The following POLRMT variants were observed in gnomAD, a reference collection of about 807,000 sequenced individuals.
The protein encoded by POLRMT is RNA polymerase mitochondrial.
Under a neutral mutation model 132.2 loss-of-function variants are expected in POLRMT, and 114 were observed. The observed-to-expected ratio is 0.86, with a 90% confidence interval of 0.74 to 1.01. The LOEUF is 1.01. Ranked by LOEUF, POLRMT falls within the 50% of genes least tolerant of loss-of-function variation. The pLI is 0.00. For synonymous variants in POLRMT, 1,020 were observed against 773.4 expected, an observed-to-expected ratio of 1.32 and a Z score of -5.29; for missense variants, 2,003 against 1,729.1, an observed-to-expected ratio of 1.16 and a Z score of -2.81.
rs762441593 is a variant in POLRMT, at chr19:618,755, T to G, written c.3273A>C (p.Ile1091=). Residue 1091 remains isoleucine (I), a synonymous_variant, in exon 16 of 21, where the codon ATA becomes ATC. Coordinates refer to ENST00000588649, the MANE Select transcript of POLRMT (RefSeq NM_005035.4). ...AGGTGATGCTCTGAATTCCACCTCC[T>G]ATTTGCTAAAAAGGGGAAGGGGCCG... is the stretch of plus-strand genomic sequence containing the variant. ...PYRLDSKVKQ[I]GGGIQSITYT... is the part of the protein sequence containing the mutation. The G allele has an allele frequency of 1.9e-6, 3 of 1,601,444 alleles. No homozygotes were observed. Among genetic ancestry groups the G allele is most frequent in the Non-Finnish European group, 8.5e-7 (1 of 1,174,846 alleles).
intron 6 of POLRMT, 92 bp from the exon 7 acceptor site, chr19:623,077 C>A: frequency 5.6e-6 from 8 of 1,426,764 alleles, no homozygotes; most frequent in Non-Finnish European, 7.5e-6. Context: ...CTGCAGAGAC[C>A]TCATGGCCCT....
chr19:618,623 G>A (rs1229049034), intron 16 of POLRMT, 37 bp from the exon 17 acceptor site: 32 of 1,599,164 alleles, frequency 2.0e-5, no homozygotes, highest in Non-Finnish European at 2.7e-5. Context: ...GGCGGCCCAG[G>A]GACACCCCTA....
At chr19:630,212 C>A (rs1047601808) in intron 2 of POLRMT, 44 bp from the exon 3 acceptor site, 17 of 1,528,676 alleles carry the variant, frequency 1.1e-5, no homozygotes, top group Non-Finnish European at 1.4e-5. Flanking sequence ...ACCCCCTCCC[C>A]ATTCGAGCAC....
chr19:625,079 G>A (rs1600581003), intron 4 of POLRMT, 45 bp downstream of exon 4: 3 of 1,590,058 alleles, frequency 1.9e-6, no homozygotes, highest in South Asian at 1.1e-5. Context: ...TTAAAACCCT[G>A]GGAGGGACAT....
intron 2 of POLRMT, among the ~76,000 whole-genome samples, chr19:632,301 G>A (rs1192706592): frequency 2.6e-5 from 4 of 152,216 alleles, no homozygotes; most frequent in African/African-American, 7.2e-5. Context: ...ACGCAGACAG[G>A]ATGTGGGACA....
At chr19:618,448 TG>T (rs1474595116) in intron 17 of POLRMT, 39 bp downstream of exon 17, 5 of 1,487,160 alleles carry the variant, frequency 3.4e-6, no homozygotes, top group Admixed American at 1.8e-5. Flanking sequence ...AAGACGCCCC[TG>T]GGAGGCGAGC....
At chr19:630,208 T>A in intron 2 of POLRMT, 40 bp from the exon 3 acceptor site, 1 of 1,530,926 alleles carries the variant, frequency 6.5e-7, no homozygotes, top group South Asian at 1.3e-5. Context: ...AGGGACCCCC[T>A]CCCCATTCGA....
Position 621,481 on chromosome 19 carries a change from G to A in POLRMT, c.2217C>T (p.Pro739=), listed in dbSNP as rs1984594273. The part of the protein sequence containing the change: ...LGVPAPPSEA[P]QPPEAHLPHS... Reference sequence around the variant, plus strand: ...GCGGCAGGTGGGCCTCGGGCGGCTGGGGCGCCTCGGAGGGCGGGGCCGGCA... The same window carrying A: ...GCGGCAGGTGGGCCTCGGGCGGCTGAGGCGCCTCGGAGGGCGGGGCCGGCA... The change falls in exon 10 of 21, where the codon CCC becomes CCT. Residue 739 remains proline (P), a synonymous_variant. Coordinates refer to ENST00000588649, the MANE Select transcript of POLRMT (RefSeq NM_005035.4). 1 of 1,364,626 alleles carries A rather than the reference G, an allele frequency of 7.3e-7. No homozygotes were observed. The highest frequency in any genetic ancestry group is 9.4e-7 in the Non-Finnish European group (1 of 1,066,402). The allele number at this position is 1,364,626 out of a possible 1,614,324, so 84.5% of individuals were successfully genotyped here.
chr19:621,816 C>G lies in POLRMT; in HGVS notation c.1882G>C (p.Val628Leu), dbSNP rs748796245. The part of the protein sequence containing the change: ...IGILKPHPAY[V>L]QLLEKAAEPT... ...TCCGCGGCCTTCTCCAGCAGCTGCA[C>G]GTAGGCCGGGTGCGGCTTCAGGATG... Residue 628 changes from valine (V) to leucine (L), a missense_variant, in exon 10 of 21, where the codon GTG becomes CTG. Coordinates refer to ENST00000588649, the MANE Select transcript of POLRMT (RefSeq NM_005035.4). 1.9e-6 allele frequency: 3 copies of G among 1,602,554 alleles called. No homozygotes were observed. Among genetic ancestry groups the G allele is most frequent in the East Asian group, 4.5e-5 (2 of 44,874 alleles).
chr19:626,884 T>TAC (rs1290099212), intron 3 of POLRMT, among the ~76,000 whole-genome samples: 2 of 95,294 alleles, frequency 2.1e-5, no homozygotes, highest in African/African-American at 9.2e-5. Context: ...TGTCTTAAAA[T>TAC]ATACACACAC....
chr19:620,092 G>T lies in POLRMT; in HGVS notation c.2764-12C>A. 1 of 1,537,122 alleles carries T rather than the reference G, an allele frequency of 6.5e-7. No individual in the cohort carries two copies. ...TTGCAAGAGCCGTCCTGAGGAAGGG[G>T]CGGCAAACGGGAGATGGAAGCTAGA... On this transcript the variant is annotated splice_polypyrimidine_tract_variant and intron_variant, in intron 11 of 20. Coordinates refer to ENST00000588649, the MANE Select transcript of POLRMT (RefSeq NM_005035.4).
chr19:619,354 T>G (rs1016661956), intron 13 of POLRMT, 58 bp from the exon 14 acceptor site: 22 of 1,553,242 alleles, frequency 1.4e-5, no homozygotes, highest in Non-Finnish European at 1.9e-5. Context: ...CACGCCCTAC[T>G]CCCCCCTATT....
chr19:627,863 T>G (rs1985132619), intron 3 of POLRMT, among the ~76,000 whole-genome samples: 1 of 144,494 alleles, frequency 6.9e-6, no homozygotes, highest in African/African-American at 2.6e-5. Flanking sequence ...AGGCGGAGGC[T>G]GTAGTGAGCC....
intron 2 of POLRMT, 49 bp from the exon 3 acceptor site, chr19:630,217 G>A (rs749558462): frequency 1.4e-5 from 22 of 1,526,500 alleles, no homozygotes; most frequent in Non-Finnish European, 1.8e-5. Flanking sequence ...CTCCCCATTC[G>A]AGCACCCGTC....
intron 15 of POLRMT, 102 bp downstream of exon 15, chr19:618,879 GGGTGGCACACTGGGGC>G (rs1984247045): frequency 2.2e-6 from 3 of 1,373,090 alleles, no homozygotes; most frequent in African/African-American, 1.4e-5. Flanking sequence ...GCGCGGGATG[GGGTGGCACACTGGGGC>G]GGTGGTACAC....
intron 2 of POLRMT, among the ~76,000 whole-genome samples, chr19:632,545 G>C (rs55749356): frequency 1.3e-5 from 2 of 151,134 alleles, no homozygotes; most frequent in South Asian, 2.1e-4. Flanking sequence ...CCGGGGGGGG[G>C]GTCTCTCCAG....
Position 619,953 on chromosome 19 carries a change from C to T in POLRMT, c.2886+5G>A, listed in dbSNP as rs756617884. Reference sequence around the variant, plus strand: ...GATGCCCCCGGGCAGCAGGGCACACCCTACCTGCGCGGCCACGCCGCTGTA... The same window carrying T: ...GATGCCCCCGGGCAGCAGGGCACACTCTACCTGCGCGGCCACGCCGCTGTA... On this transcript the variant is annotated splice_donor_5th_base_variant and intron_variant, in intron 12 of 20. Transcript: ENST00000588649. 5 of 1,601,936 alleles carry T rather than the reference C, an allele frequency of 3.1e-6. No homozygotes were observed. Among genetic ancestry groups the T allele is most frequent in the South Asian group, 1.1e-5 (1 of 90,506 alleles).
intron 10 of POLRMT, 132 bp downstream of exon 10, chr19:620,926 G>T (rs1451599670): frequency 3.2e-6 from 1 of 315,452 alleles, no homozygotes; most frequent in African/African-American, 3.7e-5. Context: ...GACGGGCAGG[G>T]GGCGCCAGGG....
intron 19 of POLRMT, 31 bp from the exon 20 acceptor site, chr19:617,511 G>T: frequency 6.2e-7 from 1 of 1,605,684 alleles, no homozygotes; most frequent in East Asian, 2.2e-5. Context: ...GGGTGAGGCT[G>T]AGGCCAGGTT....
Sources: gnomAD v4.1 joint callset for allele counts (sites outside exome capture counted in the v4.1 genomes callset) on GRCh38, gnomAD v4.1.1 for gene constraint, MANE v1.5 for transcripts, NCBI Gene and HGNC (gene_info 2026-07-23, HGNC 2026-07-21) for gene names.